Variants in TLN2 observed in about 807,000 individuals in gnomAD.
The protein encoded by TLN2 is talin 2, also known as talin-2.
A neutral mutation model predicts 294.7 loss-of-function variants in TLN2; 118 were observed. That is an observed-to-expected ratio of 0.40 (90% CI 0.34 to 0.47). The LOEUF is 0.47. Ranked by LOEUF, TLN2 falls within the 20% of genes least tolerant of loss-of-function variation. The pLI, the probability that TLN2 is intolerant of heterozygous loss-of-function variation, is 0.84. For missense variants in TLN2, 3,083 were observed against 3,282.2 expected, an observed-to-expected ratio of 0.94 and a Z score of 1.48; for synonymous variants, 1,431 against 1,304.5, an observed-to-expected ratio of 1.10 and a Z score of -2.09.
intron 1 of TLN2, among the ~76,000 whole-genome samples, chr15:62,455,526 G>A (rs62006662): frequency 0.063 from 9,514 of 152,156 alleles, 395 homozygotes; most frequent in Non-Finnish European, 0.093. Flanking sequence ...GCCTAGTGTC[G>A]GTTGTGAGCT....
Position 62,667,116 on chromosome 15 carries a change from C to A in TLN2, c.789-6711C>A, listed in dbSNP as rs1209000870. 1.2e-4 allele frequency among the ~76,000 whole-genome samples: 18 copies of A among 152,314 alleles called. No individual in the cohort carries two copies. The East Asian group carries it at 1.4e-3, about 11-fold the overall frequency. ...GAGTAGCTGGGACTACAGGCGCCCA[C>A]CACCACGCCCGGCTAATTTTTTGTA... On this transcript the variant is annotated intron_variant, in intron 9 of 58. Coordinates refer to ENST00000636159, the MANE Select transcript of TLN2 (RefSeq NM_015059.3).
chr15:62,563,822 C>T (rs2043173128), intron 1 of TLN2, among the ~76,000 whole-genome samples: 1 of 152,164 alleles, frequency 6.6e-6, no homozygotes, highest in Admixed American at 6.5e-5. Flanking sequence ...TCAGCTTCCT[C>T]TGCCCTGCCA....
At chr15:62,540,894 G>A (rs1036442840) in intron 1 of TLN2, among the ~76,000 whole-genome samples, 1 of 152,094 alleles carries the variant, frequency 6.6e-6, no homozygotes, top group Admixed American at 6.5e-5. Context: ...CTTCATCGGG[G>A]CACATTGGGA....
intron 1 of TLN2, among the ~76,000 whole-genome samples, chr15:62,413,248 A>G (rs1191354722): frequency 3.3e-5 from 5 of 152,292 alleles, no homozygotes; most frequent in Non-Finnish European, 7.4e-5. Context: ...CCAAGGTGAC[A>G]CATGGGGTTA....
At chr15:62,782,287 G>A (rs2064244237) in intron 44 of TLN2, among the ~76,000 whole-genome samples, 1 of 152,212 alleles carries the variant, frequency 6.6e-6, no homozygotes, top group South Asian at 2.1e-4. Flanking sequence ...AATTCGGGCT[G>A]GGGAATGGTA....
chr15:62,424,241 G>C (rs1380287826), intron 1 of TLN2, among the ~76,000 whole-genome samples: 3 of 152,186 alleles, frequency 2.0e-5, no homozygotes, highest in Non-Finnish European at 2.9e-5. Context: ...GTGGTTGTGG[G>C]GAGCCCACTC....
intron 1 of TLN2, among the ~76,000 whole-genome samples, chr15:62,556,208 GT>G (rs577428945): frequency 2.0e-4 from 29 of 145,930 alleles, no homozygotes; most frequent in South Asian, 8.7e-4. Flanking sequence ...TTTCTTAGGA[GT>G]TTTTTTTTTC....
chr15:62,655,843 CAG>C, intron 7 of TLN2, 99 bp from the exon 8 acceptor site: 1 of 1,282,140 alleles, frequency 7.8e-7, no homozygotes, highest in Non-Finnish European at 1.1e-6. Flanking sequence ...AACTAAGTAT[CAG>C]AGATACAGAA....
chr15:62,634,951 T>G (rs2050241848), intron 3 of TLN2, among the ~76,000 whole-genome samples: 1 of 152,264 alleles, frequency 6.6e-6, no homozygotes, highest in Non-Finnish European at 1.5e-5. Context: ...TTTCTGTAAA[T>G]CTAGTTTATT....
chr15:62,697,998 G>T, intron 15 of TLN2, 130 bp downstream of exon 15: 3 of 1,208,246 alleles, frequency 2.5e-6, no homozygotes, highest in Non-Finnish European at 3.4e-6. Context: ...GCCTCGTTCA[G>T]CTGTGCATTT....
intron 6 of TLN2, 60 bp downstream of exon 6, chr15:62,652,194 C>A: frequency 7.0e-7 from 1 of 1,437,510 alleles, no homozygotes; most frequent in Non-Finnish European, 9.2e-7. Context: ...CAGGCCTCTT[C>A]TTTTTTCCAC....
chr15:62,726,033 C>T (rs2060420785), intron 27 of TLN2, among the ~76,000 whole-genome samples: 1 of 152,184 alleles, frequency 6.6e-6, no homozygotes, highest in Admixed American at 6.5e-5. Flanking sequence ...ACTGAGGTCA[C>T]CCAGTTAATG....
At chr15:62,627,057 G>A (rs2049348646) in intron 3 of TLN2, among the ~76,000 whole-genome samples, 1 of 152,216 alleles carries the variant, frequency 6.6e-6, no homozygotes, top group South Asian at 2.1e-4. Context: ...TAAGGTAAGT[G>A]CTCATGATAA....
chr15:62,832,579 ACCAGAAC>A (rs1457418826), intron 54 of TLN2: 2 of 152,222 alleles, frequency 1.3e-5, no homozygotes, highest in Admixed American at 1.3e-4. Context: ...GTGAATTTAG[ACCAGAAC>A]CCTAATGGTC....
At chr15:62,707,642 G>T (rs943069673) in intron 20 of TLN2, among the ~76,000 whole-genome samples, 1 of 152,176 alleles carries the variant, frequency 6.6e-6, no homozygotes, top group Non-Finnish European at 1.5e-5. Context: ...CAGGGTCCGA[G>T]TGGGGATTTT....
intron 1 of TLN2, among the ~76,000 whole-genome samples, chr15:62,450,532 T>C (rs2036052430): frequency 1.8e-5 from 1 of 55,338 alleles, no homozygotes; most frequent in Non-Finnish European, 3.9e-5. Context: ...TATGTATGTA[T>C]GTATGTATGT....
chr15:62,533,375 A>G (rs561262369), intron 1 of TLN2, among the ~76,000 whole-genome samples: 1 of 152,030 alleles, frequency 6.6e-6, no homozygotes, highest in East Asian at 1.9e-4. Context: ...ATTCAGGGAA[A>G]GCTGGTCAGG....
rs754674979 is a variant in TLN2 at position 62,716,334 on chromosome 15, G to A, written c.2638G>A (p.Ala880Thr). 1.9e-6 allele frequency: 3 copies of A among 1,601,846 alleles called. No individual in the cohort carries two copies. The highest frequency in any genetic ancestry group is 1.1e-5 in the South Asian group (1 of 88,618). ...TARMVEAAKG[A>T]AANPENEDQQ... ...ATCTTTATTTTTGCCTTTGCAGGGGGCTGCAGCCAACCCAGAGAATGAGGA... is the reference window on the plus strand; with the variant it reads ...ATCTTTATTTTTGCCTTTGCAGGGGACTGCAGCCAACCCAGAGAATGAGGA... The change falls in exon 23 of 59, where the codon GCT (alanine) becomes ACT (threonine). Residue 880 changes from alanine (A) to threonine (T), a missense_variant. Coordinates refer to ENST00000636159, the MANE Select transcript of TLN2 (RefSeq NM_015059.3).
At position 62,450,547 on chromosome 15, in the gene TLN2, A is replaced by G. The variant is rs58198224; in HGVS notation, c.-238+59862A>G. ...TATGTATGTATGTATGTATGTATGT[A>G]TGTGTGTGTGTGTGTGTGTGTGTGT... On this transcript the variant is annotated intron_variant, in intron 1 of 58. Transcript: ENST00000636159. Among the ~76,000 whole-genome samples the G allele has an allele frequency of 4.5e-3, 617 of 136,114 alleles. 5 individuals carry two copies. Among genetic ancestry groups the G allele is most frequent in the African/African-American group, 0.016 (554 of 33,812 alleles). The allele number at this position is 136,114 out of a possible 152,430, so 89.3% of individuals were successfully genotyped here. A position where few individuals can be genotyped will look rare whatever the true frequency, so the allele number is the denominator to read the frequency against.
Sources: allele counts gnomAD v4.1 joint callset (sites outside exome capture counted in the v4.1 genomes callset), GRCh38; gene constraint gnomAD v4.1.1; transcripts MANE v1.5; gene names NCBI Gene and HGNC (gene_info 2026-07-23, HGNC 2026-07-21).